Variants in CRHR1 observed in about 807,000 individuals in gnomAD.
The protein encoded by CRHR1 is corticotropin releasing hormone receptor 1, also known as corticotropin-releasing hormone receptor 1.
In CRHR1, 28 loss-of-function variants were observed where a neutral mutation model predicts 56.0. The observed-to-expected ratio is 0.50, with a 90% CI of 0.37 to 0.69. CRHR1 has a LOEUF of 0.69. Among genes scored for constraint, CRHR1 ranks in the 30% least tolerant of loss-of-function variants. The pLI is 0.00. For missense variants in CRHR1, 376 were observed against 548.0 expected (o/e 0.69, Z 3.13); for synonymous variants, 195 against 216.5 (o/e 0.90, Z 0.87).
intron 4 of CRHR1, among the ~76,000 whole-genome samples, chr17:45,824,431 GTCTC>G (rs2062114029): frequency 6.6e-6 from 1 of 152,206 alleles, no homozygotes. Flanking sequence ...TGGTTCACCT[GTCTC>G]TCCTGCTCTA....
chr17:45,818,011 G>A (rs939863848), intron 3 of CRHR1, among the ~76,000 whole-genome samples: 1 of 152,198 alleles, frequency 6.6e-6, no homozygotes, highest in African/African-American at 2.4e-5. Context: ...TAACTCTCAC[G>A]ATGCTGGGGG....
chr17:45,821,136 G>A (rs965771018), intron 3 of CRHR1, among the ~76,000 whole-genome samples: 8 of 152,330 alleles, frequency 5.3e-5, no homozygotes, highest in Middle Eastern at 3.4e-3. Flanking sequence ...GGGCAGAGCC[G>A]GGGGAGCCAC....
intron 4 of CRHR1, among the ~76,000 whole-genome samples, chr17:45,822,968 A>T (rs1427471650): frequency 6.6e-6 from 1 of 151,578 alleles, no homozygotes; most frequent in Non-Finnish European, 1.5e-5. Flanking sequence ...ACATGGTGAA[A>T]CCTCATCTCT....
At chr17:45,799,694 C>T (rs2061585017) in intron 1 of CRHR1, 1 of 152,172 alleles carries the variant, frequency 6.6e-6, no homozygotes, top group Non-Finnish European at 1.5e-5. Flanking sequence ...TTCTCTGGGC[C>T]CCGAGTCAGG....
intron 1 of CRHR1, among the ~76,000 whole-genome samples, chr17:45,792,079 G>A (rs1293896572): frequency 6.6e-6 from 1 of 152,120 alleles, no homozygotes; most frequent in Non-Finnish European, 1.5e-5. Context: ...TGGGGACCAC[G>A]GGCTTAGCTG....
intron 1 of CRHR1, among the ~76,000 whole-genome samples, chr17:45,794,970 T>C (rs2061492338): frequency 6.6e-6 from 1 of 152,198 alleles, no homozygotes; most frequent in Non-Finnish European, 1.5e-5. Flanking sequence ...TTCAAGCTCT[T>C]TCTGGGCTGC....
At chr17:45,789,518 T>C (rs946547990) in intron 1 of CRHR1, among the ~76,000 whole-genome samples, 3 of 151,636 alleles carry the variant, frequency 2.0e-5, no homozygotes, top group African/African-American at 7.3e-5. Flanking sequence ...ACTATAGGTG[T>C]GCATCACCAC....
At chr17:45,806,478 G>A (rs1050957659) in intron 1 of CRHR1, among the ~76,000 whole-genome samples, 1 of 152,172 alleles carries the variant, frequency 6.6e-6, no homozygotes, top group Non-Finnish European at 1.5e-5. Context: ...TTGTGATGAC[G>A]GATAATTAGG....
chr17:45,811,995 A>T (rs1212357902), intron 2 of CRHR1, among the ~76,000 whole-genome samples: 2 of 152,194 alleles, frequency 1.3e-5, no homozygotes, highest in Non-Finnish European at 1.5e-5. Context: ...GTCTCTTGGT[A>T]TCCATGGGGC....
intron 1 of CRHR1, among the ~76,000 whole-genome samples, chr17:45,801,409 G>A (rs2061619659): frequency 6.6e-6 from 1 of 152,190 alleles, no homozygotes; most frequent in Non-Finnish European, 1.5e-5. Context: ...TACCCGCCCA[G>A]TCTGCTTTCC....
At chr17:45,818,794 T>C (rs1293414068) in intron 3 of CRHR1, among the ~76,000 whole-genome samples, 1 of 152,168 alleles carries the variant, frequency 6.6e-6, no homozygotes, top group East Asian at 1.9e-4. Context: ...TTCTAGGCCT[T>C]CTCCCTAATG....
intron 2 of CRHR1, among the ~76,000 whole-genome samples, chr17:45,812,252 C>A (rs1279544209): frequency 6.6e-6 from 1 of 152,202 alleles, no homozygotes; most frequent in Non-Finnish European, 1.5e-5. Context: ...TCCCCAAAAC[C>A]TATGGATATG....
chr17:45,820,101 G>T (rs1217506285), intron 3 of CRHR1, among the ~76,000 whole-genome samples: 1 of 152,132 alleles, frequency 6.6e-6, no homozygotes, highest in African/African-American at 2.4e-5. Context: ...CCAGACTCAA[G>T]GACTGGGACT....
intron 2 of CRHR1, among the ~76,000 whole-genome samples, chr17:45,811,314 C>G (rs2061819353): frequency 6.6e-6 from 1 of 152,266 alleles, no homozygotes; most frequent in Non-Finnish European, 1.5e-5. Flanking sequence ...CCTGACCCCG[C>G]AGGGTTTCTT....
intron 1 of CRHR1, among the ~76,000 whole-genome samples, chr17:45,791,394 G>T (rs1273201913): frequency 6.6e-6 from 1 of 152,178 alleles, no homozygotes; most frequent in East Asian, 1.9e-4. Flanking sequence ...GGTGCCCAAG[G>T]GCTCGCTCAG....
At chr17:45,816,362 G>T in intron 2 of CRHR1, 101 bp from the exon 3 acceptor site, 1 of 1,502,474 alleles carries the variant, frequency 6.7e-7, no homozygotes. Context: ...GGTGTGAGTG[G>T]GAACGAGTGG....
intron 2 of CRHR1, among the ~76,000 whole-genome samples, chr17:45,807,434 C>CGGGGAGGCATCAAGGGACGGAGGAAA (rs1391701266): frequency 6.6e-6 from 1 of 152,098 alleles, no homozygotes; most frequent in Non-Finnish European, 1.5e-5. Flanking sequence ...AGTTGTGACT[C>CGGGGAGGCATCAAGGGACGGAGGAAA]GGGGAGGCAT....
Position 45,821,262 on chromosome 17 carries a change from T to C in CRHR1, c.242-93T>C, listed in dbSNP as rs948775934. ...AGCCAGCAGGTGCCTGTACTGGCCA[T>C]CTACAGATCCATCTACGCATCCATC... On this transcript the variant is annotated intron_variant, in intron 3 of 12. Coordinates refer to ENST00000314537, the MANE Select transcript of CRHR1 (RefSeq NM_004382.5). 2.6e-5 allele frequency: 30 copies of C among 1,155,416 alleles called. 1 individual carries two copies. In the South Asian group the frequency reaches 3.3e-4, roughly 13 times the overall value. The allele number at this position is 1,155,416 out of a possible 1,614,324, so 71.6% of individuals were successfully genotyped here. A position where few individuals can be genotyped will look rare whatever the true frequency, so the allele number is the denominator to read the frequency against.
rs1378734705 is a variant in CRHR1, at chr17:45,820,249, A to T, written c.242-1106A>T. Among the ~76,000 whole-genome samples the T allele has an allele frequency of 3.3e-5, 5 of 152,186 alleles. No individual in the cohort carries two copies. The East Asian group carries it at 9.6e-4, about 29-fold the overall frequency. On this transcript the variant is annotated intron_variant, in intron 3 of 12. Coordinates refer to ENST00000314537, the MANE Select transcript of CRHR1 (RefSeq NM_004382.5). ...CAGTTCTGCCTGAAGTCAGAGCCAG[A>T]ATTAACTCAAGGAAGCATGTTTAGA...
Sources: gnomAD v4.1 joint callset for allele counts (sites outside exome capture counted in the v4.1 genomes callset) on GRCh38, gnomAD v4.1.1 for gene constraint, MANE v1.5 for transcripts, NCBI Gene and HGNC (gene_info 2026-07-23, HGNC 2026-07-21) for gene names.